KIAA1217: variants seen among roughly 807,000 people sequenced by gnomAD.
KIAA1217 encodes the protein KIAA1217, also known as sickle tail protein homolog.
KIAA1217 carries 88 observed loss-of-function variants against 163.9 expected under a neutral mutation model. That is an observed-to-expected ratio of 0.54 (90% CI 0.45 to 0.64). KIAA1217 has a LOEUF of 0.64. Among genes scored for constraint, KIAA1217 ranks in the 30% least tolerant of loss-of-function variants. KIAA1217 has a pLI of 0.00. For synonymous variants in KIAA1217, 903 were observed against 923.1 expected (o/e 0.98, Z 0.39); for missense variants, 2,372 against 2,475.0 (o/e 0.96, Z 0.88).
chr10:23,932,225 AG>A (rs1843282569), intron 1 of KIAA1217, among the ~76,000 whole-genome samples: 1 of 152,160 alleles, frequency 6.6e-6, no homozygotes, highest in Admixed American at 6.5e-5. Flanking sequence ...TGGTGGAGAA[AG>A]GGGTTGATAT....
intron 1 of KIAA1217, among the ~76,000 whole-genome samples, chr10:23,757,408 TA>T (rs1048372138): frequency 2.0e-5 from 3 of 152,064 alleles, no homozygotes; most frequent in African/African-American, 4.8e-5. Context: ...TGTTCTTAAT[TA>T]AAAAAAATTA....
chr10:24,097,789 G>A (rs988975389), intron 2 of KIAA1217, among the ~76,000 whole-genome samples: 1 of 152,210 alleles, frequency 6.6e-6, no homozygotes, highest in African/African-American at 2.4e-5. Context: ...TGCAAGGAAA[G>A]CTGAAGTGAA....
At chr10:24,340,609 C>T (rs1396906663) in intron 2 of KIAA1217, among the ~76,000 whole-genome samples, 1 of 152,096 alleles carries the variant, frequency 6.6e-6, no homozygotes, top group Non-Finnish European at 1.5e-5. Flanking sequence ...TCCCTCCACC[C>T]ACATCTCTTC....
chr10:23,955,304 A>C (rs955998684), intron 1 of KIAA1217, among the ~76,000 whole-genome samples: 5 of 152,214 alleles, frequency 3.3e-5, no homozygotes, highest in Admixed American at 2.6e-4. Context: ...AGTGCAATGC[A>C]TGCCTATTTT....
chr10:24,161,447 T>TCACC (rs2065116723), intron 2 of KIAA1217, among the ~76,000 whole-genome samples: 1 of 152,192 alleles, frequency 6.6e-6, no homozygotes, highest in Non-Finnish European at 1.5e-5. Flanking sequence ...ACCTCTGACT[T>TCACC]TGTGAACGCT....
At chr10:23,922,318 G>A (rs911579250) in intron 1 of KIAA1217, among the ~76,000 whole-genome samples, 14 of 152,246 alleles carry the variant, frequency 9.2e-5, no homozygotes, top group South Asian at 4.1e-4. Flanking sequence ...TCATCTGACC[G>A]TTCATTTGTA....
At chr10:23,842,783 C>T (rs1482508290) in intron 1 of KIAA1217, among the ~76,000 whole-genome samples, 2 of 151,872 alleles carry the variant, frequency 1.3e-5, no homozygotes, top group African/African-American at 4.8e-5. Context: ...ATTATCCAAG[C>T]AGAAGAGTTT....
intron 2 of KIAA1217, among the ~76,000 whole-genome samples, chr10:24,050,298 T>C (rs1849408466): frequency 6.6e-6 from 1 of 152,228 alleles, no homozygotes; most frequent in African/African-American, 2.4e-5. Flanking sequence ...GTGCAGAAGC[T>C]CTTTAATTTA....
intron 13 of KIAA1217, among the ~76,000 whole-genome samples, chr10:24,527,709 C>CT (rs34908945): frequency 3.5e-4 from 53 of 152,060 alleles, no homozygotes; most frequent in Admixed American, 7.2e-4. Flanking sequence ...TTAAAAGCAT[C>CT]TTTTTTAAAG....
chr10:24,108,296 A>G (rs978752141), intron 2 of KIAA1217, among the ~76,000 whole-genome samples: 1 of 152,216 alleles, frequency 6.6e-6, no homozygotes, highest in African/African-American at 2.4e-5. Flanking sequence ...GGTAGCAAAA[A>G]CAGATAAGAA....
At chr10:24,463,332 C>G (rs2062617333) in intron 5 of KIAA1217, among the ~76,000 whole-genome samples, 2 of 152,192 alleles carry the variant, frequency 1.3e-5, no homozygotes, top group African/African-American at 2.4e-5. Context: ...TAGAGTTCCT[C>G]TGTCAAAAGA....
At chr10:24,486,771 T>C (rs1592319071) in intron 6 of KIAA1217, among the ~76,000 whole-genome samples, 2 of 152,240 alleles carry the variant, frequency 1.3e-5, no homozygotes, top group Admixed American at 1.3e-4. Context: ...TCAGCTCTTC[T>C]TTCTATCTCT....
At chr10:24,262,612 G>C (rs1304779576) in intron 2 of KIAA1217, among the ~76,000 whole-genome samples, 1 of 147,122 alleles carries the variant, frequency 6.8e-6, no homozygotes, top group African/African-American at 2.5e-5. Flanking sequence ...GGGTGACAGC[G>C]AGACTCCGTC....
chr10:23,699,922 C>A (rs1328802912), intron 1 of KIAA1217, among the ~76,000 whole-genome samples: 1 of 152,170 alleles, frequency 6.6e-6, no homozygotes, highest in Non-Finnish European at 1.5e-5. Context: ...TAAGACCTAG[C>A]ATACTGTTTG....
At chr10:24,158,728 C>A in intron 2 of KIAA1217, 1 of 501,060 alleles carries the variant, frequency 2.0e-6, no homozygotes, top group South Asian at 1.6e-5. Flanking sequence ...TAGTGATTAT[C>A]AGGTTATTTC....
intron 1 of KIAA1217, among the ~76,000 whole-genome samples, chr10:23,735,130 A>G (rs1220626223): frequency 6.6e-6 from 1 of 152,228 alleles, no homozygotes; most frequent in Non-Finnish European, 1.5e-5. Context: ...AAAAGTACAC[A>G]TCTAAGGATT....
intron 1 of KIAA1217, chr10:23,877,412 T>G (rs1266624172): frequency 6.6e-6 from 1 of 152,014 alleles, no homozygotes; most frequent in Non-Finnish European, 1.5e-5. Context: ...CTAGGACTGT[T>G]TCCTTGGGCC....
intron 2 of KIAA1217, among the ~76,000 whole-genome samples, chr10:24,196,868 G>T (rs2067013971): frequency 6.6e-6 from 1 of 152,184 alleles, no homozygotes; most frequent in Non-Finnish European, 1.5e-5. Flanking sequence ...TGGGCTAATA[G>T]GGGAAAATCT....
intron 2 of KIAA1217, among the ~76,000 whole-genome samples, chr10:24,132,793 C>T (rs1389417969): frequency 1.3e-5 from 2 of 152,146 alleles, no homozygotes; most frequent in Non-Finnish European, 2.9e-5. Context: ...TTCAAAAAGA[C>T]ACCGGATGAG....
Sources: gnomAD v4.1 joint callset for allele counts (sites outside exome capture counted in the v4.1 genomes callset) on GRCh38, gnomAD v4.1.1 for gene constraint, MANE v1.5 for transcripts, NCBI Gene and HGNC (gene_info 2026-07-23, HGNC 2026-07-21) for gene names.